The following P2RY10 variants were observed in gnomAD, a reference collection of about 807,000 sequenced individuals.
The protein encoded by P2RY10 is putative P2Y purinoceptor 10.
A neutral mutation model predicts 12.1 loss-of-function variants in P2RY10; 4 were observed. The observed-to-expected ratio is 0.33, with a 90% CI of 0.16 to 0.76. P2RY10 has a LOEUF of 0.76. Among genes scored for constraint, P2RY10 ranks in the 30% least tolerant of loss-of-function variants. P2RY10 has a pLI of 0.61. For missense variants in P2RY10, 233 were observed against 264.6 expected (o/e 0.88, Z 0.83); for synonymous variants, 112 against 94.1 (o/e 1.19, Z -1.10).
intron 1 of P2RY10, among the ~76,000 whole-genome samples, chrX:78,946,076 A>C (rs1314840687): frequency 7.2e-5 from 8 of 111,791 alleles, no homozygotes; most frequent in African/African-American, 2.6e-4. Context: ...GAAGACACTT[A>C]GGTTCACTCA....
intron 2 of P2RY10, among the ~76,000 whole-genome samples, chrX:78,949,992 A>G (rs1399290732): frequency 8.9e-6 from 1 of 112,171 alleles, no homozygotes; most frequent in Non-Finnish European, 1.9e-5. Context: ...GATGACATGT[A>G]AAAGTTATCC....
Position 78,963,329 on chromosome X carries a change from C to A in P2RY10, c.*1789C>A, listed in dbSNP as rs1488439505. Among the ~76,000 whole-genome samples, 1 of 112,289 alleles carries A rather than the reference C, an allele frequency of 8.9e-6. No individual in the cohort carries two copies. The highest frequency in any genetic ancestry group is 1.9e-5 in the Non-Finnish European group (1 of 53,229). On this transcript the variant is annotated 3_prime_UTR_variant, in exon 4 of 4. Coordinates refer to ENST00000171757, the MANE Select transcript of P2RY10 (RefSeq NM_014499.4). ...TTTATAAAGTAATTAAACTGGTTTT[C>A]CTTGTACTTTATTAATCTGAATCTA...
intron 1 of P2RY10, 87 bp from the exon 2 acceptor site, chrX:78,947,728 C>A (rs978380478): frequency 8.8e-5 from 15 of 171,268 alleles, no homozygotes; most frequent in Non-Finnish European, 1.3e-4. Flanking sequence ...ATAGGGAAAT[C>A]TATCTAGAGA....
chrX:78,956,230 T>C (rs1272522659), intron 3 of P2RY10, among the ~76,000 whole-genome samples: 6 of 111,651 alleles, frequency 5.4e-5, no homozygotes, highest in African/African-American at 1.6e-4. Context: ...GATTTCTAAA[T>C]TGATTTCTTT....
In P2RY10 at chrX:78,948,942, A is replaced by T. The variant is rs1441674878; in HGVS notation, c.-157+1079A>T. On this transcript the variant is annotated intron_variant, in intron 2 of 3. Coordinates refer to ENST00000171757, the MANE Select transcript of P2RY10 (RefSeq NM_014499.4). ...GATTGCTGTATCAAATGGTAGATTT[A>T]CTTGTAGCTCTTTAAGGAATCTCCA... Among the ~76,000 whole-genome samples, 16 of 112,059 alleles carry T rather than the reference A, an allele frequency of 1.4e-4. No homozygotes were observed. In the Admixed American group the frequency reaches 1.5e-3, roughly 11 times the overall value.
At chrX:78,952,069 T>A in intron 2 of P2RY10, 124 bp from the exon 3 acceptor site, 1 of 220,075 alleles carries the variant, frequency 4.5e-6, no homozygotes. Context: ...TCCAACTCCA[T>A]CCATGTCCCT....
At chrX:78,960,104 C>A in intron 3 of P2RY10, among the ~76,000 whole-genome samples, 1 of 110,655 alleles carries the variant, frequency 9.0e-6, no homozygotes, top group South Asian at 3.8e-4. Context: ...AAAAGTGAGG[C>A]TAAATTTCTA....
At chrX:78,951,417 G>A (rs778336709) in intron 2 of P2RY10, among the ~76,000 whole-genome samples, 1 of 111,598 alleles carries the variant, frequency 9.0e-6, no homozygotes, top group South Asian at 3.8e-4. Context: ...GATTATGGCT[G>A]TTGTTTAGGA....
At chrX:78,952,062 A>G in intron 2 of P2RY10, 131 bp from the exon 3 acceptor site, 1 of 195,848 alleles carries the variant, frequency 5.1e-6, no homozygotes, top group Non-Finnish European at 7.8e-6. Context: ...AATGGCTTCC[A>G]ACTCCATCCA....
intron 3 of P2RY10, 36 bp from the exon 4 acceptor site, chrX:78,960,472 A>G (rs372089714): frequency 1.2e-4 from 132 of 1,078,653 alleles, no homozygotes; most frequent in Non-Finnish European, 1.3e-4. Context: ...GAACTAATTA[A>G]CCATTTTACT....
chrX:78,947,719 T>A (rs185903471), intron 1 of P2RY10, 96 bp from the exon 2 acceptor site: 164 of 147,877 alleles, frequency 1.1e-3, no homozygotes, highest in Non-Finnish European at 1.7e-3. Context: ...GGGGCCATAA[T>A]AGGGAAATCT....
intron 3 of P2RY10, among the ~76,000 whole-genome samples, chrX:78,953,619 C>T (rs768702690): frequency 9.0e-6 from 1 of 111,686 alleles, no homozygotes; most frequent in Non-Finnish European, 1.9e-5. Flanking sequence ...TTGCTCAATT[C>T]CATATCTGAC....
At position 78,961,055 on chromosome X, in the gene P2RY10, A is replaced by G. The variant is rs766982179; in HGVS notation, c.535A>G (p.Lys179Glu). 5.8e-6 allele frequency: 7 copies of G among 1,209,643 alleles called. No homozygotes were observed. The highest frequency in any genetic ancestry group is 7.8e-6 in the Non-Finnish European group (7 of 894,958). ...ILRSTDLNNN[K>E]SCFADLGYKQ... Reference sequence around the variant, plus strand: ...GAGAAGCACAGACTTAAACAACAACAAGTCCTGCTTTGCTGATCTTGGATA... The same window carrying G: ...GAGAAGCACAGACTTAAACAACAACGAGTCCTGCTTTGCTGATCTTGGATA... Residue 179 changes from lysine (K) to glutamate (E), a missense_variant, in exon 4 of 4, where the codon AAG (lysine) becomes GAG (glutamate). Physicochemically the swap from Lys to Glu is moderately conservative, Grantham distance 56. Coordinates refer to ENST00000171757, the MANE Select transcript of P2RY10 (RefSeq NM_014499.4).
chrX:78,953,386 C>A (rs1922193654), intron 3 of P2RY10, among the ~76,000 whole-genome samples: 1 of 111,577 alleles, frequency 9.0e-6, no homozygotes. Context: ...GAAAGAAAAC[C>A]ATTTGAAGAG....
chrX:78,949,795 T>G (rs754052342), intron 2 of P2RY10, among the ~76,000 whole-genome samples: 7 of 112,294 alleles, frequency 6.2e-5, no homozygotes, highest in Non-Finnish European at 1.1e-4. Flanking sequence ...TTGGAGTTGA[T>G]GTAGATTTAT....
rs1241136347 is a variant in P2RY10, at chrX:78,962,724, T to TA, written c.*1190dup. Among the ~76,000 whole-genome samples the TA allele has an allele frequency of 9.0e-6, 1 of 110,626 alleles. No individual in the cohort carries two copies. The highest frequency in any genetic ancestry group is 3.3e-5 in the African/African-American group (1 of 30,401). The stretch of plus-strand genomic sequence containing the variant: ...GGAAACTCAAATAGTTCATTATTTC[T>TA]AAAAAATGTATATTTTAAGGCATGA... On this transcript the variant is annotated 3_prime_UTR_variant, in exon 4 of 4. Coordinates refer to ENST00000171757, the MANE Select transcript of P2RY10 (RefSeq NM_014499.4).
At chrX:78,953,418 C>CAGAT (rs1922195838) in intron 3 of P2RY10, among the ~76,000 whole-genome samples, 1 of 111,833 alleles carries the variant, frequency 8.9e-6, no homozygotes, top group Non-Finnish European at 1.9e-5. Flanking sequence ...TGAGGGTTGG[C>CAGAT]AGATAGTACA....
At position 78,961,234 on chromosome X, in the gene P2RY10, G is replaced by A. The variant is rs770083790; in HGVS notation, c.714G>A (p.Arg238=). The A allele has an allele frequency of 1.7e-6, 2 of 1,210,332 alleles. No individual in the cohort carries two copies. Among genetic ancestry groups the A allele is most frequent in the South Asian group, 1.8e-5 (1 of 56,973 alleles). ...TGGCTTTCCAAGGGATCAGTGAGAG[G>A]CAGAAAGCACTGCGGATGGTGTTCA... ...PPMAFQGISE[R]QKALRMVFMC... Residue 238 remains arginine (R), a synonymous_variant, in exon 4 of 4, where the codon AGG becomes AGA. Transcript: ENST00000171757.
chrX:78,946,334 C>T (rs1382873026), intron 1 of P2RY10, among the ~76,000 whole-genome samples: 1 of 111,460 alleles, frequency 9.0e-6, no homozygotes, highest in South Asian at 3.8e-4. Context: ...GAGTGAGGCA[C>T]TCATTTTTTC....
Sources: allele counts gnomAD v4.1 joint callset (sites outside exome capture counted in the v4.1 genomes callset), GRCh38; gene constraint gnomAD v4.1.1; transcripts MANE v1.5; gene names NCBI Gene and HGNC (gene_info 2026-07-23, HGNC 2026-07-21).